The following OTUD4 variants were observed in gnomAD, a reference collection of about 807,000 sequenced individuals.
OTUD4 encodes the protein OTU deubiquitinase 4.
In OTUD4, 24 loss-of-function variants were observed where a neutral mutation model predicts 130.4. The ratio of observed to expected loss-of-function variants is 0.18; its 90% CI spans 0.13 to 0.26. The LOEUF (loss-of-function observed/expected upper bound fraction) is 0.26. Among genes scored for constraint, OTUD4 ranks in the 10% least tolerant of loss-of-function variants. The pLI is 1.00. For synonymous variants in OTUD4, 420 were observed against 472.5 expected, an observed-to-expected ratio of 0.89 and a Z score of 1.44; for missense variants, 1,031 against 1,329.4, an observed-to-expected ratio of 0.78 and a Z score of 3.49.
intron 6 of OTUD4, among the ~76,000 whole-genome samples, chr4:145,160,857 TC>T (rs1228536676): frequency 6.6e-6 from 1 of 151,194 alleles, no homozygotes; most frequent in Non-Finnish European, 1.5e-5. Context: ...TGCCTGTAAT[TC>T]CAGCACTTTG....
rs753751502 is a variant in OTUD4 at position 145,143,397 on chromosome 4, T to C, written c.1651A>G (p.Lys551Glu). The change falls in exon 17 of 21, where the codon AAG becomes GAG. Residue 551 changes from lysine to glutamate, a missense_variant. Around this residue, in one of 3 missense-constraint regions of OTUD4, gnomAD observed 900 missense variants for 1,095.9 expected, o/e 0.82. Coordinates refer to ENST00000447906, the MANE Select transcript of OTUD4 (RefSeq NM_001366057.1). The stretch of plus-strand genomic sequence containing the variant: ...GCAGGAGAAGGGCACTCTAACTTCT[T>C]TGACTTTGATGGTGATGAAACTGTT... ...YATVSSPSKS[K>E]KLECPSPAEQ... The C allele has an allele frequency of 1.9e-6, 3 of 1,611,304 alleles. No homozygotes were observed. The highest frequency in any genetic ancestry group is 2.5e-6 in the Non-Finnish European group (3 of 1,177,710).
intron 7 of OTUD4, among the ~76,000 whole-genome samples, chr4:145,156,852 A>T (rs1751320556): frequency 6.6e-6 from 1 of 152,168 alleles, no homozygotes; most frequent in South Asian, 2.1e-4. Flanking sequence ...CTTGAACAAC[A>T]TAGGTTTGAA....
At chr4:145,159,380 A>G (rs963085593) in intron 7 of OTUD4, 123 bp downstream of exon 7, 1 of 1,540,860 alleles carries the variant, frequency 6.5e-7, no homozygotes, top group Non-Finnish European at 8.7e-7. Context: ...AGACTGCTGT[A>G]TTTTATGAAT....
At chr4:145,175,864 T>C (rs1253089722) in intron 1 of OTUD4, among the ~76,000 whole-genome samples, 1 of 151,300 alleles carries the variant, frequency 6.6e-6, no homozygotes, top group Non-Finnish European at 1.5e-5. Context: ...CTATTTCTTA[T>C]CCAATGCTTC....
At chr4:145,161,407 G>A (rs1353610623) in intron 6 of OTUD4, among the ~76,000 whole-genome samples, 3 of 152,190 alleles carry the variant, frequency 2.0e-5, no homozygotes, top group Non-Finnish European at 4.4e-5. Flanking sequence ...ATTTAAAATA[G>A]TGTATTGCAC....
At position 145,146,368 on chromosome 4, in the gene OTUD4, C is replaced by A; in HGVS notation, c.1321G>T (p.Gly441Cys). The change falls in exon 14 of 21, where the codon GGC becomes TGC. Residue 441 changes from glycine (G) to cysteine (C), a missense_variant. Physicochemically the swap from Gly to Cys is radical, Grantham distance 159. This residue lies in a region of OTUD4 where 900 missense variants were observed against 1,095.9 expected (regional missense o/e 0.82). Transcript: ENST00000447906. ...TCTCTGCGCTCTTCTGGGGAAAGGC[C>A]GAAATAGTTAGATTCTCGACTTGTG... ...DHTSRESNYF[G>C]LSPEERREKQ... is the part of the protein sequence containing the mutation. 1 of 1,591,148 alleles carries A rather than the reference C, an allele frequency of 6.3e-7. No homozygotes were observed. The highest frequency in any genetic ancestry group is 8.5e-7 in the Non-Finnish European group (1 of 1,171,200).
Position 145,179,933 on chromosome 4 carries a change from C to G in OTUD4, c.41G>C (p.Gly14Ala). 1 of 1,525,044 alleles carries G rather than the reference C, an allele frequency of 6.6e-7. No individual in the cohort carries two copies. 94.5% of individuals were successfully genotyped at this position (1,525,044 alleles called of 1,614,324 possible). A position where few individuals can be genotyped will look rare whatever the true frequency, so the allele number is the denominator to read the frequency against. Residue 14 changes from glycine (G) to alanine (A), a missense_variant, in exon 1 of 21, where the codon GGC becomes GCC. Around this residue, in one of 3 missense-constraint regions of OTUD4, gnomAD observed 54 missense variants for 60.6 expected, o/e 0.89. Coordinates refer to ENST00000447906, the MANE Select transcript of OTUD4 (RefSeq NM_001366057.1). ...CGCGTCCTCGCGGGGCCCCGCGCCG[C>G]CCTGGTCCCCGCCGTCGGGGACGCC... ...AVGVPDGGDQ[G>A]GAGPREDATP...
Position 145,143,942 on chromosome 4 carries a change from T to C in OTUD4, c.1602+4A>G. ...AAGATGCAAGTAGTGTTTAAAACTT[T>C]TACCTCCAATGTGCTTGGTTCGGGT... On this transcript the variant is annotated splice_donor_region_variant and intron_variant, in intron 16 of 20. Transcript: ENST00000447906. The C allele has an allele frequency of 6.2e-7, 1 of 1,607,932 alleles. No homozygotes were observed. The highest frequency in any genetic ancestry group is 8.5e-7 in the Non-Finnish European group (1 of 1,174,562).
At chr4:145,162,906 A>T (rs1405632751) in intron 5 of OTUD4, among the ~76,000 whole-genome samples, 185 bp from the exon 6 acceptor site, 1 of 152,232 alleles carries the variant, frequency 6.6e-6, no homozygotes, top group Non-Finnish European at 1.5e-5. Flanking sequence ...ATGTTATATA[A>T]ACATTAAATC....
In OTUD4 at chr4:145,164,293, T is replaced by A. The variant is rs1751738026; in HGVS notation, c.342-67A>T. 2.6e-6 allele frequency: 2 copies of A among 780,100 alleles called. 1 individual carries two copies. The highest frequency in any genetic ancestry group is 4.2e-6 in the Non-Finnish European group (2 of 478,092). The allele number at this position is 780,100 out of a possible 1,614,324, so 48.3% of individuals were successfully genotyped here. A position where few individuals can be genotyped will look rare whatever the true frequency, so the allele number is the denominator to read the frequency against. ...TCATGAATTTGAATTTAATCATTCATTCATTCATCAAGGGCCTAATACGTG... is the reference window on the plus strand; with the variant it reads ...TCATGAATTTGAATTTAATCATTCAATCATTCATCAAGGGCCTAATACGTG... On this transcript the variant is annotated intron_variant, in intron 4 of 20. Coordinates refer to ENST00000447906, the MANE Select transcript of OTUD4 (RefSeq NM_001366057.1).
rs755686623 is a variant in OTUD4, at chr4:145,174,662, G to A, written c.242C>T (p.Ala81Val). The A allele has an allele frequency of 3.8e-6, 6 of 1,566,780 alleles. No homozygotes were observed. Among genetic ancestry groups the A allele is most frequent in the Admixed American group, 1.7e-5 (1 of 59,926 alleles). ...YLRENREKFEAFIEGSFEEYL... is the reference protein window; with the variant it reads ...YLRENREKFEVFIEGSFEEYL... ...TACATGTTTGAAATTACAAGTTACC[G>A]CTTCAAATTTCTCTCTGTTCTCTCG... is the stretch of plus-strand genomic sequence containing the variant. The change falls in exon 2 of 21, where the codon GCG becomes GTG. Residue 81 changes from alanine to valine, a missense_variant and splice_region_variant. Physicochemically the swap from Ala to Val is moderately conservative, Grantham distance 64 (BLOSUM62 0). Coordinates refer to ENST00000447906, the MANE Select transcript of OTUD4 (RefSeq NM_001366057.1).
chr4:145,175,439 C>G (rs1053361322), intron 1 of OTUD4, among the ~76,000 whole-genome samples: 1 of 152,214 alleles, frequency 6.6e-6, no homozygotes, highest in African/African-American at 2.4e-5. Context: ...GATCCTCTCA[C>G]TCTGCAGTTT....
rs372363244 is a variant in OTUD4, at chr4:145,143,371, C to T, written c.1677G>A (p.Ala559=). 108 of 1,593,350 alleles carry T rather than the reference C, an allele frequency of 6.8e-5. No individual in the cohort carries two copies. The highest frequency in any genetic ancestry group is 8.4e-5 in the Admixed American group (5 of 59,874). Residue 559 remains alanine, a synonymous_variant, in exon 17 of 21, where the codon GCG becomes GCA. Coordinates refer to ENST00000447906, the MANE Select transcript of OTUD4 (RefSeq NM_001366057.1). ...AATGCAACAATATACTTACTTGTTC[C>T]GCAGGAGAAGGGCACTCTAACTTCT... ...KSKKLECPSP[A]EQKPAEHVSL...
chr4:145,148,808 G>A (rs1750935713), intron 13 of OTUD4, among the ~76,000 whole-genome samples: 2 of 152,052 alleles, frequency 1.3e-5, no homozygotes, highest in South Asian at 2.1e-4. Context: ...TATATTTTTA[G>A]GTTTCCAAAG....
intron 1 of OTUD4, among the ~76,000 whole-genome samples, chr4:145,177,431 G>A (rs887367163): frequency 6.6e-6 from 1 of 152,216 alleles, no homozygotes; most frequent in Non-Finnish European, 1.5e-5. Flanking sequence ...AGCACTGCAA[G>A]AAAAGCAAGG....
Position 145,180,580 on chromosome 4 carries a change from A to G in OTUD4, c.-607T>C, listed in dbSNP as rs2126822122. Among the ~76,000 whole-genome samples, 1 of 152,312 alleles carries G rather than the reference A, an allele frequency of 6.6e-6. No homozygotes were observed. Among genetic ancestry groups the G allele is most frequent in the African/African-American group, 2.4e-5 (1 of 41,582 alleles). On this transcript the variant is annotated 5_prime_UTR_variant, in exon 1 of 21. Transcript: ENST00000447906. ...GTTTTCGCTTTCGGCCCGACAGCGGAGAGGACGGCGGGAGATGTAGTCTTG... is the reference window on the plus strand; with the variant it reads ...GTTTTCGCTTTCGGCCCGACAGCGGGGAGGACGGCGGGAGATGTAGTCTTG...
chr4:145,151,861 G>A (rs1172529309), intron 11 of OTUD4, among the ~76,000 whole-genome samples: 1 of 152,108 alleles, frequency 6.6e-6, no homozygotes, highest in Non-Finnish European at 1.5e-5. Context: ...ACTGTATAAG[G>A]TAAGCCAACA....
rs1410376298 is a variant in OTUD4 at position 145,180,320 on chromosome 4, C to A, written c.-347G>T. 6.6e-6 allele frequency among the ~76,000 whole-genome samples: 1 copy of A among 152,072 alleles called. No individual in the cohort carries two copies. Among genetic ancestry groups the A allele is most frequent in the East Asian group, 1.9e-4 (1 of 5,156 alleles). The stretch of plus-strand genomic sequence containing the variant: ...CCCAGGCCGGGGGTCGCCGCCCCCA[C>A]AAGTTTCCTCCTCCGTACCGGTGTG... On this transcript the variant is annotated 5_prime_UTR_variant, in exon 1 of 21. Transcript: ENST00000447906.
At chr4:145,157,152 A>C (rs985735733) in intron 7 of OTUD4, among the ~76,000 whole-genome samples, 16 of 152,236 alleles carry the variant, frequency 1.1e-4, no homozygotes, top group Non-Finnish European at 5.9e-5. Flanking sequence ...CAACAGATAA[A>C]AACTAAATAA....
Sources: gnomAD v4.1 joint callset for allele counts (sites outside exome capture counted in the v4.1 genomes callset) on GRCh38, gnomAD v4.1.1 for gene constraint, gnomAD v4.1.1 regional missense constraint, MANE v1.5 for transcripts, NCBI Gene and HGNC (gene_info 2026-07-23, HGNC 2026-07-21) for gene names.